The following CRYBG1 variants were observed in gnomAD, a reference collection of about 807,000 sequenced individuals.
CRYBG1 encodes beta/gamma crystallin domain-containing protein 1.
In CRYBG1, 139 loss-of-function variants were observed where a neutral mutation model predicts 189.2. The ratio of observed to expected loss-of-function variants is 0.73; its 90% CI spans 0.64 to 0.85. CRYBG1 has a LOEUF of 0.85. Among genes scored for constraint, CRYBG1 ranks in the 40% least tolerant of loss-of-function variants. The pLI is 0.00. For missense variants in CRYBG1, 2,611 were observed against 2,675.8 expected, an observed-to-expected ratio of 0.98 and a Z score of 0.53; for synonymous variants, 1,023 against 1,017.1, an observed-to-expected ratio of 1.01 and a Z score of -0.11.
intron 13 of CRYBG1, among the ~76,000 whole-genome samples, chr6:106,549,592 T>A (rs1188010205): frequency 4.0e-5 from 6 of 148,852 alleles, no homozygotes; most frequent in Non-Finnish European, 7.4e-5. Context: ...AAATAAAAAA[T>A]AAATAAAAAT....
intron 2 of CRYBG1, among the ~76,000 whole-genome samples, chr6:106,474,291 C>A (rs1772292885): frequency 6.6e-6 from 1 of 152,156 alleles, no homozygotes. Context: ...CTACAGTGAG[C>A]TATGATCATG....
chr6:106,452,265 AC>A (rs983068859), intron 2 of CRYBG1, among the ~76,000 whole-genome samples: 24 of 133,868 alleles, frequency 1.8e-4, no homozygotes, highest in African/African-American at 5.7e-4. Context: ...AAAAAAAAAA[AC>A]AAAAAAATTA....
At chr6:106,513,937 G>A (rs1340455806) in intron 3 of CRYBG1, among the ~76,000 whole-genome samples, 1 of 152,116 alleles carries the variant, frequency 6.6e-6, no homozygotes, top group Non-Finnish European at 1.5e-5. Flanking sequence ...AGTCACTGTG[G>A]GGGAAAAAAA....
At chr6:106,466,807 TTTTTTAGGAA>T (rs1422499867) in intron 2 of CRYBG1, among the ~76,000 whole-genome samples, 1 of 152,198 alleles carries the variant, frequency 6.6e-6, no homozygotes, top group Non-Finnish European at 1.5e-5. Flanking sequence ...GAAGTAGAAT[TTTTTTAGGAA>T]TAAGTGTAGG....
At chr6:106,482,536 G>A (rs998553039) in intron 2 of CRYBG1, among the ~76,000 whole-genome samples, 16 of 152,148 alleles carry the variant, frequency 1.1e-4, no homozygotes, top group Non-Finnish European at 1.9e-4. Flanking sequence ...AGCACTTTGG[G>A]AGGCCGAGGG....
Position 106,512,864 on chromosome 6 carries a change from A to G in CRYBG1, c.1747A>G (p.Lys583Glu). The G allele has an allele frequency of 6.3e-7, 1 of 1,590,280 alleles. No homozygotes were observed. Among genetic ancestry groups the G allele is most frequent in the Non-Finnish European group, 8.6e-7 (1 of 1,168,668 alleles). Residue 583 changes from lysine (K) to glutamate (E), a missense_variant, in exon 3 of 22, where the codon AAG (lysine) becomes GAG (glutamate). Around this residue, in one of 3 missense-constraint regions of CRYBG1, gnomAD observed 985 missense variants for 924.4 expected, o/e 1.07. Transcript: ENST00000633556. ...GAGCAGCTCGCTGCTGCCGGAGATC[A>G]AGCCCGAGCACAAGAGGGGCCCGCT... ...VKSSSLLPEI[K>E]PEHKRGPLPN...
intron 1 of CRYBG1, among the ~76,000 whole-genome samples, chr6:106,407,068 C>T (rs779598424): frequency 8.5e-5 from 13 of 152,080 alleles, no homozygotes; most frequent in Non-Finnish European, 1.8e-4. Flanking sequence ...TAAGTGCCCC[C>T]AGTTAAAAGA....
At chr6:106,548,857 A>T (rs893784891) in intron 13 of CRYBG1, among the ~76,000 whole-genome samples, 2 of 150,620 alleles carry the variant, frequency 1.3e-5, no homozygotes, top group African/African-American at 4.9e-5. Context: ...CTCGTCATCT[A>T]GCATTAGGTA....
chr6:106,462,989 C>CA (rs1339403851), intron 2 of CRYBG1, among the ~76,000 whole-genome samples: 2 of 152,062 alleles, frequency 1.3e-5, no homozygotes, highest in African/African-American at 2.4e-5. Flanking sequence ...CCTATCTCTA[C>CA]AAAAAAATTT....
At chr6:106,449,733 T>A (rs1225310894) in intron 1 of CRYBG1, among the ~76,000 whole-genome samples, 2 of 152,234 alleles carry the variant, frequency 1.3e-5, no homozygotes, top group Non-Finnish European at 2.9e-5. Flanking sequence ...ATACTGTATT[T>A]AAATTCCTAA....
chr6:106,539,356 A>T (rs1206392521), intron 8 of CRYBG1, 47 bp from the exon 9 acceptor site: 4 of 1,604,784 alleles, frequency 2.5e-6, no homozygotes, highest in Non-Finnish European at 3.4e-6. Context: ...AAACTGAAAC[A>T]AATGATGAGT....
At chr6:106,530,890 T>G (rs1233020116) in intron 8 of CRYBG1, among the ~76,000 whole-genome samples, 2 of 152,222 alleles carry the variant, frequency 1.3e-5, no homozygotes, top group Non-Finnish European at 2.9e-5. Flanking sequence ...CCAAGGCATG[T>G]GAAAGACATT....
At chr6:106,386,349 C>T (rs568316787) in intron 1 of CRYBG1, among the ~76,000 whole-genome samples, 4 of 152,166 alleles carry the variant, frequency 2.6e-5, no homozygotes, top group South Asian at 2.1e-4. Context: ...GAGACAAGTG[C>T]GTAGTGCAGG....
At chr6:106,427,279 T>C (rs1771244943) in intron 1 of CRYBG1, among the ~76,000 whole-genome samples, 1 of 152,214 alleles carries the variant, frequency 6.6e-6, no homozygotes, top group African/African-American at 2.4e-5. Context: ...TCGACTTGAA[T>C]GTCTAATATG....
intron 2 of CRYBG1, among the ~76,000 whole-genome samples, chr6:106,472,715 C>G (rs560323530): frequency 6.7e-6 from 1 of 148,440 alleles, no homozygotes; most frequent in African/African-American, 2.5e-5. Flanking sequence ...GCCAACAAGG[C>G]GAAACTTCAT....
chr6:106,382,771 T>G lies in CRYBG1; in HGVS notation c.173+21690T>G, dbSNP rs1177323277. Among the ~76,000 whole-genome samples, 3 of 152,238 alleles carry G rather than the reference T, an allele frequency of 2.0e-5. No individual in the cohort carries two copies. The East Asian group carries it at 5.8e-4, about 29-fold the overall frequency. The stretch of plus-strand genomic sequence containing the variant: ...AAAAGCCAAGTGTTTGGAAATAGTT[T>G]CTGTGCTATTGGCATGCAAAAGCTA... On this transcript the variant is annotated intron_variant, in intron 1 of 21. Transcript: ENST00000633556.
intron 1 of CRYBG1, among the ~76,000 whole-genome samples, chr6:106,451,030 TCTCTGAGGCATATG>T (rs1771772664): frequency 6.6e-6 from 1 of 152,196 alleles, no homozygotes; most frequent in Admixed American, 6.5e-5. Context: ...GGAGCAGCTT[TCTCTGAGGCATATG>T]GAGGATGAAT....
chr6:106,493,034 G>A (rs2114496163), intron 2 of CRYBG1, among the ~76,000 whole-genome samples: 1 of 150,282 alleles, frequency 6.7e-6, no homozygotes, highest in East Asian at 2.0e-4. Flanking sequence ...CTTTTACATA[G>A]ACTTACAGAG....
chr6:106,385,785 T>G (rs1171455501), intron 1 of CRYBG1, among the ~76,000 whole-genome samples: 2 of 152,146 alleles, frequency 1.3e-5, no homozygotes, highest in African/African-American at 4.8e-5. Flanking sequence ...CATGCCACCT[T>G]TTGAACCACA....
Sources: gnomAD v4.1 joint callset for allele counts (sites outside exome capture counted in the v4.1 genomes callset) on GRCh38, gnomAD v4.1.1 for gene constraint, gnomAD v4.1.1 regional missense constraint, MANE v1.5 for transcripts, NCBI Gene and HGNC (gene_info 2026-07-23, HGNC 2026-07-21) for gene names.